The following ABI1 variants were observed in gnomAD, a reference collection of about 807,000 sequenced individuals.
The protein encoded by ABI1 is abl interactor 1, also known as Abelson interactor 1.
Under a neutral mutation model 54.6 loss-of-function variants are expected in ABI1, and 14 were observed. The ratio of observed to expected loss-of-function variants is 0.26; its 90% confidence interval spans 0.17 to 0.40. The LOEUF (loss-of-function observed/expected upper bound fraction) is 0.40. ABI1 is among the 10% of genes least tolerant of loss of function. The pLI, the probability that ABI1 is intolerant of heterozygous loss-of-function variation, is 1.00. For synonymous variants in ABI1, 194 were observed against 209.3 expected, an observed-to-expected ratio of 0.93 and a Z score of 0.63; for missense variants, 443 against 598.3, an observed-to-expected ratio of 0.74 and a Z score of 2.71.
intron 1 of ABI1, among the ~76,000 whole-genome samples, chr10:26,845,445 C>T (rs990156655): frequency 2.0e-5 from 3 of 151,916 alleles, no homozygotes; most frequent in Non-Finnish European, 4.4e-5. Context: ...GAGTTCGAGA[C>T]CAGCCTGACC....
At chr10:26,809,046 G>A (rs987225297) in intron 2 of ABI1, among the ~76,000 whole-genome samples, 2 of 152,044 alleles carry the variant, frequency 1.3e-5, no homozygotes, top group Non-Finnish European at 2.9e-5. Context: ...GAGGCAGGCG[G>A]ATCACCTGAG....
At chr10:26,754,950 C>CCG (rs1554803967) in intron 9 of ABI1, among the ~76,000 whole-genome samples, 3 of 151,826 alleles carry the variant, frequency 2.0e-5, no homozygotes, top group African/African-American at 7.2e-5. Context: ...TCTCCCCCCC[C>CCG]ACAAAAAAAA....
At chr10:26,777,010 C>T in intron 3 of ABI1, 55 bp downstream of exon 3, 2 of 1,401,200 alleles carry the variant, frequency 1.4e-6, no homozygotes, top group Non-Finnish European at 1.9e-6. Flanking sequence ...ATTTCCTATC[C>T]AAAATATTTA....
chr10:26,790,339 G>C (rs757745200), intron 2 of ABI1, among the ~76,000 whole-genome samples: 10 of 152,188 alleles, frequency 6.6e-5, no homozygotes, highest in Non-Finnish European at 1.3e-4. Context: ...ACTGGTATGA[G>C]ATGGTAGCTC....
chr10:26,751,332 T>C (rs1344154005), intron 10 of ABI1, among the ~76,000 whole-genome samples: 1 of 152,184 alleles, frequency 6.6e-6, no homozygotes, highest in Non-Finnish European at 1.5e-5. Flanking sequence ...ATCTATAAAA[T>C]GCCGTCCAGC....
chr10:26,758,505 G>A (rs1838655071), intron 8 of ABI1, among the ~76,000 whole-genome samples: 1 of 152,100 alleles, frequency 6.6e-6, no homozygotes. Flanking sequence ...GCAATTTGAG[G>A]TAAACAGAAA....
chr10:26,816,986 T>TTGTGTGTGTGTGTGTGTG (rs71403891), intron 2 of ABI1, among the ~76,000 whole-genome samples: 2,169 of 143,806 alleles, frequency 0.015, 23 homozygotes, highest in Middle Eastern at 0.018. Context: ...TGCAAAGACT[T>TTGTGTGTGTGTGTGTGTG]TGTGTGTGTG....
intron 1 of ABI1, among the ~76,000 whole-genome samples, chr10:26,836,567 C>T (rs944834984): frequency 6.6e-6 from 1 of 152,208 alleles, no homozygotes; most frequent in Admixed American, 6.5e-5. Flanking sequence ...TTTATGTTTT[C>T]ATCCTTTCCC....
intron 2 of ABI1, among the ~76,000 whole-genome samples, chr10:26,791,957 C>T (rs534895786): frequency 1.4e-4 from 22 of 152,104 alleles, no homozygotes; most frequent in African/African-American, 3.1e-4. Flanking sequence ...ATATGTAATA[C>T]GGATAAATCT....
intron 8 of ABI1, among the ~76,000 whole-genome samples, chr10:26,758,154 C>T (rs1309806415): frequency 1.4e-5 from 2 of 143,888 alleles, no homozygotes; most frequent in East Asian, 4.2e-4. Context: ...ATAAAAAGAA[C>T]TTAAAGCAAC....
At chr10:26,773,212 A>ATTTTTTTTTTTTTTTTT (rs1342694391) in intron 3 of ABI1, among the ~76,000 whole-genome samples, 11 of 63,354 alleles carry the variant, frequency 1.7e-4, no homozygotes, top group African/African-American at 1.3e-3. Flanking sequence ...TCTAATGCTA[A>ATTTTTTTTTTTTTTTTT]TTCTTTTTTT....
chr10:26,772,168 T>C (rs1840774105), intron 3 of ABI1, among the ~76,000 whole-genome samples: 1 of 152,100 alleles, frequency 6.6e-6, no homozygotes, highest in African/African-American at 2.4e-5. Flanking sequence ...TTTAAAATGA[T>C]ACTGCTTACT....
chr10:26,797,236 T>C (rs1440649945), intron 2 of ABI1, among the ~76,000 whole-genome samples: 1 of 152,262 alleles, frequency 6.6e-6, no homozygotes, highest in Non-Finnish European at 1.5e-5. Context: ...TGCCATTTAA[T>C]AGATGTATTA....
intron 2 of ABI1, among the ~76,000 whole-genome samples, chr10:26,810,180 G>C (rs2047138652): frequency 6.6e-6 from 1 of 152,148 alleles, no homozygotes; most frequent in Non-Finnish European, 1.5e-5. Context: ...TGTGTGATCA[G>C]TGTCAGAACA....
chr10:26,838,841 T>C (rs1564567063), intron 1 of ABI1, among the ~76,000 whole-genome samples: 1 of 152,180 alleles, frequency 6.6e-6, no homozygotes, highest in Non-Finnish European at 1.5e-5. Flanking sequence ...ATAACACTGC[T>C]AGGAAGAATA....
chr10:26,792,909 T>C (rs937124534), intron 2 of ABI1, among the ~76,000 whole-genome samples: 2 of 152,200 alleles, frequency 1.3e-5, no homozygotes, highest in Admixed American at 6.5e-5. Flanking sequence ...TATGCTTCTT[T>C]TAAAGATCTT....
intron 9 of ABI1, among the ~76,000 whole-genome samples, chr10:26,754,832 T>G (rs1250791531): frequency 6.6e-6 from 1 of 152,174 alleles, no homozygotes; most frequent in African/African-American, 2.4e-5. Flanking sequence ...TATATAAGAT[T>G]CACTGTGATC....
chr10:26,755,764 G>C (rs1259503969), intron 8 of ABI1, 23 bp from the exon 9 acceptor site: 2 of 1,522,904 alleles, frequency 1.3e-6, no homozygotes, highest in South Asian at 1.2e-5. Context: ...ACACAGTATG[G>C]GGGAAGTAAA....
In ABI1 at chr10:26,860,892, G is replaced by A. The variant is rs574606288; in HGVS notation, c.-29C>T. The stretch of plus-strand genomic sequence containing the variant: ...CCACCCCTCTGCATCGCTTCCTCTC[G>A]CGTTAAAGAGACAGAGGCAGCAAGG... On this transcript the variant is annotated 5_prime_UTR_variant, in exon 1 of 11. Coordinates refer to ENST00000376140, the MANE Select transcript of ABI1 (RefSeq NM_001012750.3). This position sits in a 1 kb window ranked among gnomAD's most constrained non-coding sequence, Gnocchi z 4.1. 4.4e-6 allele frequency: 7 copies of A among 1,598,248 alleles called. No homozygotes were observed. Among genetic ancestry groups the A allele is most frequent in the South Asian group, 3.3e-5 (3 of 90,728 alleles).
Sources: gnomAD v4.1 joint callset for allele counts (sites outside exome capture counted in the v4.1 genomes callset) on GRCh38, gnomAD v4.1.1 for gene constraint, Gnocchi (gnomAD v3.1) non-coding constraint, MANE v1.5 for transcripts, NCBI Gene and HGNC (gene_info 2026-07-23, HGNC 2026-07-21) for gene names.